B3GNT5: variants seen among roughly 807,000 people sequenced by gnomAD.
B3GNT5 encodes lactosylceramide 1,3-N-acetyl-beta-D-glucosaminyltransferase.
B3GNT5 carries 11 observed loss-of-function variants against 25.9 expected under a neutral mutation model. The observed-to-expected ratio is 0.42, with a 90% CI of 0.27 to 0.70. The LOEUF is 0.70. B3GNT5 is among the 30% of genes least tolerant of loss of function. The pLI is 0.23. For synonymous variants in B3GNT5, 166 were observed against 158.6 expected (o/e 1.05, Z -0.35); for missense variants, 385 against 458.4 (o/e 0.84, Z 1.46).
chr3:183,258,588 G>A (rs929929555), intron 1 of B3GNT5, among the ~76,000 whole-genome samples: 9 of 152,066 alleles, frequency 5.9e-5, no homozygotes, highest in African/African-American at 1.9e-4. Flanking sequence ...CCTGGTTTGG[G>A]GTCCATAGTT....
chr3:183,257,704 C>T (rs1371764202), intron 1 of B3GNT5, among the ~76,000 whole-genome samples: 1 of 152,198 alleles, frequency 6.6e-6, no homozygotes, highest in Non-Finnish European at 1.5e-5. Flanking sequence ...TAGGAACTGC[C>T]ACTGGGCAAC....
Position 183,272,164 on chromosome 3 carries a change from T to C in B3GNT5, c.*1229T>C. On this transcript the variant is annotated 3_prime_UTR_variant, in exon 2 of 2. Coordinates refer to ENST00000326505, the MANE Select transcript of B3GNT5 (RefSeq NM_032047.5). ...AGCATTTTTAAAGCTGCATGTTCCTTGTAATCAAAGAGATGTGTCTGAGAT... is the reference window on the plus strand; with the variant it reads ...AGCATTTTTAAAGCTGCATGTTCCTCGTAATCAAAGAGATGTGTCTGAGAT... The C allele has an allele frequency of 1.0e-6, 1 of 1,000,332 alleles. No individual in the cohort carries two copies. The highest frequency in any genetic ancestry group is 4.7e-5 in the South Asian group (1 of 21,292). 62.0% of individuals were successfully genotyped at this position (1,000,332 alleles called of 1,614,324 possible). A position where few individuals can be genotyped will look rare whatever the true frequency, so the allele number is the denominator to read the frequency against.
At chr3:183,258,726 C>T (rs1274932750) in intron 1 of B3GNT5, among the ~76,000 whole-genome samples, 1 of 152,016 alleles carries the variant, frequency 6.6e-6, no homozygotes, top group Non-Finnish European at 1.5e-5. Flanking sequence ...GCAATATTCC[C>T]ATGTACTCTT....
At chr3:183,257,298 G>A (rs1357820895) in intron 1 of B3GNT5, among the ~76,000 whole-genome samples, 4 of 151,996 alleles carry the variant, frequency 2.6e-5, no homozygotes, top group East Asian at 1.9e-4. Context: ...AAACACTCTC[G>A]GCTTTTTTAC....
At position 183,269,920 on chromosome 3, in the gene B3GNT5, G is replaced by C. The variant is rs1726581461; in HGVS notation, c.122G>C (p.Ser41Thr). 2.5e-6 allele frequency: 4 copies of C among 1,613,964 alleles called. No homozygotes were observed. Among genetic ancestry groups the C allele is most frequent in the Non-Finnish European group, 3.4e-6 (4 of 1,180,038 alleles). Residue 41 changes from serine (S) to threonine (T), a missense_variant, in exon 2 of 2, where the codon AGC becomes ACC. Transcript: ENST00000326505. ...FWEPIDNHIV[S>T]HMKSYSYRYL... ...GAACCAATCGATAATCACATTGTGA[G>C]CCATATGAAGTCATATTCTTACAGA...
Position 183,269,522 on chromosome 3 carries a change from G to C in B3GNT5, c.-277G>C. 5.6e-6 allele frequency: 2 copies of C among 355,284 alleles called. No individual in the cohort carries two copies. Among genetic ancestry groups the C allele is most frequent in the Non-Finnish European group, 5.1e-6 (1 of 197,592 alleles). The allele number at this position is 355,284 out of a possible 1,614,324, so 22.0% of individuals were successfully genotyped here. ...GGTGGCATGGAATATTCACATGGGA[G>C]AGCCGCATGAGGCCGCCCACCACGC... is the stretch of plus-strand genomic sequence containing the variant. On this transcript the variant is annotated 5_prime_UTR_variant, in exon 2 of 2. Coordinates refer to ENST00000326505, the MANE Select transcript of B3GNT5 (RefSeq NM_032047.5).
intron 1 of B3GNT5, among the ~76,000 whole-genome samples, chr3:183,256,591 G>T (rs913306588): frequency 6.6e-6 from 1 of 152,196 alleles, no homozygotes; most frequent in Non-Finnish European, 1.5e-5. Flanking sequence ...TCTACCAAGT[G>T]TGTAGGCAAC....
rs765569853 is a variant in B3GNT5 at position 183,272,826 on chromosome 3, G to A, written c.*1891G>A. 17 of 1,221,596 alleles carry A rather than the reference G, an allele frequency of 1.4e-5. No individual in the cohort carries two copies. Among genetic ancestry groups the A allele is most frequent in the Non-Finnish European group, 1.8e-5 (17 of 968,720 alleles). 75.7% of individuals were successfully genotyped at this position (1,221,596 alleles called of 1,614,324 possible). On this transcript the variant is annotated 3_prime_UTR_variant, in exon 2 of 2. Coordinates refer to ENST00000326505, the MANE Select transcript of B3GNT5 (RefSeq NM_032047.5). ...CTTGGAAGTGTTTAAGGTTGCCATT[G>A]GTTGAAAACATAAGTGTCTCTGGCC...
chr3:183,264,265 T>C lies in B3GNT5; in HGVS notation c.-301-5233T>C, dbSNP rs546277646. On this transcript the variant is annotated intron_variant, in intron 1 of 1. Coordinates refer to ENST00000326505, the MANE Select transcript of B3GNT5 (RefSeq NM_032047.5). ...CTAAAACAAAGATTGTTCCTACTCCTGCAGCCACCTAAATCCTAGTCGTCC... is the reference window on the plus strand; with the variant it reads ...CTAAAACAAAGATTGTTCCTACTCCCGCAGCCACCTAAATCCTAGTCGTCC... Among the ~76,000 whole-genome samples, 9 of 152,314 alleles carry C rather than the reference T, an allele frequency of 5.9e-5. No homozygotes were observed. The South Asian group carries it at 1.9e-3, about 32-fold the overall frequency.
intron 1 of B3GNT5, chr3:183,265,908 G>T (rs2108433641): frequency 6.6e-6 from 1 of 152,322 alleles, no homozygotes; most frequent in Non-Finnish European, 1.5e-5. Context: ...ATGCTGTGCT[G>T]AACTAAATAA....
At chr3:183,262,440 A>AT (rs972690375) in intron 1 of B3GNT5, among the ~76,000 whole-genome samples, 7 of 151,948 alleles carry the variant, frequency 4.6e-5, no homozygotes, top group East Asian at 1.9e-4. Context: ...TTCACTGTGG[A>AT]TTTTTTTCAG....
chr3:183,270,011 T>C lies in B3GNT5; in HGVS notation c.213T>C (p.Pro71=), dbSNP rs1490037194. Residue 71 remains proline, a synonymous_variant, in exon 2 of 2, where the codon CCT becomes CCC. Transcript: ENST00000326505. This position sits in a 1 kb window ranked among gnomAD's most constrained non-coding sequence, Gnocchi z 4.5. The part of the protein sequence containing the change: ...TLSLKHTSAG[P]RYQYLINHKE... ...CTCTTAAGCACACCTCAGCGGGGCC[T>C]CGCTACCAATACTTGATTAACCACA... 1.9e-6 allele frequency: 3 copies of C among 1,614,182 alleles called. No individual in the cohort carries two copies. Among genetic ancestry groups the C allele is most frequent in the Non-Finnish European group, 2.5e-6 (3 of 1,180,034 alleles).
chr3:183,269,148 C>T (rs1726452664), intron 1 of B3GNT5, among the ~76,000 whole-genome samples: 1 of 149,596 alleles, frequency 6.7e-6, no homozygotes, highest in Non-Finnish European at 1.5e-5. Context: ...TCATCCTGAC[C>T]ATATTCAAGT....
intron 1 of B3GNT5, chr3:183,254,250 G>A (rs952709992): frequency 1.3e-5 from 2 of 151,968 alleles, no homozygotes; most frequent in African/African-American, 4.8e-5. Context: ...ACGCGCGCTT[G>A]GGCCGGGGGC....
At chr3:183,257,951 C>T (rs996942484) in intron 1 of B3GNT5, among the ~76,000 whole-genome samples, 1 of 126,362 alleles carries the variant, frequency 7.9e-6, no homozygotes. Context: ...GCTCCCTCCA[C>T]TTCACCCTTT....
chr3:183,255,209 GGAT>G (rs1724930786), intron 1 of B3GNT5, among the ~76,000 whole-genome samples: 1 of 152,186 alleles, frequency 6.6e-6, no homozygotes. Flanking sequence ...ACCCAGAAAA[GGAT>G]GATTGAAGGT....
rs1199779477 is a variant in B3GNT5 at position 183,273,039 on chromosome 3, C to T, written c.*2104C>T. On this transcript the variant is annotated 3_prime_UTR_variant, in exon 2 of 2. Coordinates refer to ENST00000326505, the MANE Select transcript of B3GNT5 (RefSeq NM_032047.5). ...GTTGCTAGATGATTCCTTCATCACA[C>T]TTACTTAAAGTACTGAGAAGAGTAT... The T allele has an allele frequency of 6.7e-7, 1 of 1,489,376 alleles. No individual in the cohort carries two copies. The highest frequency in any genetic ancestry group is 8.9e-7 in the Non-Finnish European group (1 of 1,121,970). The allele number at this position is 1,489,376 out of a possible 1,614,324, so 92.3% of individuals were successfully genotyped here. A position where few individuals can be genotyped will look rare whatever the true frequency, so the allele number is the denominator to read the frequency against.
In B3GNT5 at chr3:183,271,395, A is replaced by G; in HGVS notation, c.*460A>G. 6.0e-6 allele frequency: 1 copy of G among 167,722 alleles called. No homozygotes were observed. The allele number at this position is 167,722 out of a possible 1,614,324, so 10.4% of individuals were successfully genotyped here. ...GAGGTAGTAGGGGCAGGGAAAGGTC[A>G]GCATAGGAGAGAAAGTTCATGAATC... On this transcript the variant is annotated 3_prime_UTR_variant, in exon 2 of 2. Coordinates refer to ENST00000326505, the MANE Select transcript of B3GNT5 (RefSeq NM_032047.5).
At position 183,269,744 on chromosome 3, in the gene B3GNT5, A is replaced by G; in HGVS notation, c.-55A>G. ...CGAAACACGAAGTTCTATGGTCTCGAAGAAGCCCGTGCCTGTTTAAAACTG... is the reference window on the plus strand; with the variant it reads ...CGAAACACGAAGTTCTATGGTCTCGGAGAAGCCCGTGCCTGTTTAAAACTG... On this transcript the variant is annotated 5_prime_UTR_variant, in exon 2 of 2. Transcript: ENST00000326505. 1 of 1,496,270 alleles carries G rather than the reference A, an allele frequency of 6.7e-7. No homozygotes were observed. The highest frequency in any genetic ancestry group is 9.0e-7 in the Non-Finnish European group (1 of 1,108,806). 92.7% of individuals were successfully genotyped at this position (1,496,270 alleles called of 1,614,324 possible).
Sources: allele counts gnomAD v4.1 joint callset (sites outside exome capture counted in the v4.1 genomes callset), GRCh38; gene constraint gnomAD v4.1.1; non-coding constraint Gnocchi (gnomAD v3.1); transcripts MANE v1.5; gene names NCBI Gene and HGNC (gene_info 2026-07-23, HGNC 2026-07-21).